The following SEPTIN11 variants were observed in gnomAD, a reference collection of about 807,000 sequenced individuals.
SEPTIN11 encodes septin 11, also known as septin-11.
In SEPTIN11, 25 loss-of-function variants were observed where a neutral mutation model predicts 51.4. That is an observed-to-expected ratio of 0.49 (90% CI 0.35 to 0.68). The LOEUF is 0.68. SEPTIN11 is among the 30% of genes least tolerant of loss of function. The pLI is 0.00. For synonymous variants in SEPTIN11, 174 were observed against 184.1 expected (o/e 0.95, Z 0.44); for missense variants, 381 against 520.8 (o/e 0.73, Z 2.61).
intron 1 of SEPTIN11, among the ~76,000 whole-genome samples, chr4:76,964,726 G>A (rs576940198): frequency 2.0e-5 from 3 of 152,260 alleles, no homozygotes; most frequent in South Asian, 2.1e-4. Flanking sequence ...GCCAGGCCTC[G>A]CTTACCTGTG....
At chr4:76,978,423 C>T (rs1722604669) in intron 1 of SEPTIN11, among the ~76,000 whole-genome samples, 2 of 152,254 alleles carry the variant, frequency 1.3e-5, no homozygotes, top group South Asian at 4.1e-4. Context: ...CACGCATGTC[C>T]CTTGATGGCC....
intron 1 of SEPTIN11, chr4:76,995,847 G>A: frequency 2.0e-6 from 3 of 1,535,544 alleles, no homozygotes; most frequent in Non-Finnish European, 2.6e-6. Flanking sequence ...ACAGGGTGAA[G>A]AGGGGGAAGA....
At chr4:76,971,840 G>A (rs1337371657) in intron 1 of SEPTIN11, among the ~76,000 whole-genome samples, 2 of 152,220 alleles carry the variant, frequency 1.3e-5, no homozygotes, top group African/African-American at 4.8e-5. Flanking sequence ...AAAGAACGTG[G>A]TGAAGGTCTA....
chr4:77,031,117 T>A, intron 9 of SEPTIN11, 147 bp downstream of exon 9: 1 of 721,776 alleles, frequency 1.4e-6, no homozygotes, highest in East Asian at 3.1e-5. Flanking sequence ...GGGAAGATGA[T>A]GAAGGTTTTT....
intron 1 of SEPTIN11, among the ~76,000 whole-genome samples, chr4:76,986,873 G>T (rs2645666): frequency 1.1e-3 from 169 of 150,654 alleles, no homozygotes; most frequent in African/African-American, 4.0e-3. Flanking sequence ...TTTTTCTTTT[G>T]TAATAATTCA....
chr4:77,036,727 T>C lies in SEPTIN11; in HGVS notation c.*2215T>C, dbSNP rs1400718595. 5.9e-6 allele frequency: 9 copies of C among 1,535,600 alleles called. No homozygotes were observed. In the African/African-American group the frequency reaches 9.6e-5, roughly 16 times the overall value. On this transcript the variant is annotated 3_prime_UTR_variant, in exon 10 of 10. Transcript: ENST00000264893. ...CTAGCCCTGTTTAGTTTGTTATTGC[T>C]GCTTTTCTTTTTTCTTTCTGTATCT...
At chr4:76,955,758 C>CT (rs1301823400) in intron 1 of SEPTIN11, among the ~76,000 whole-genome samples, 6 of 152,140 alleles carry the variant, frequency 3.9e-5, no homozygotes, top group African/African-American at 1.4e-4. Flanking sequence ...GAAATGAAGA[C>CT]TGACAGAGGA....
chr4:77,023,292 ACACACACAC>A (rs1338341763), intron 7 of SEPTIN11, among the ~76,000 whole-genome samples: 5 of 147,902 alleles, frequency 3.4e-5, no homozygotes, highest in South Asian at 4.2e-4. Context: ...ACACACACAC[ACACACACAC>A]AATATATATA....
chr4:76,979,713 G>A (rs1233279089), intron 1 of SEPTIN11, among the ~76,000 whole-genome samples: 6 of 151,856 alleles, frequency 4.0e-5, no homozygotes, highest in East Asian at 1.9e-4. Context: ...ATGAAACCCC[G>A]TCTCTACTAA....
At chr4:77,033,620 G>T (rs774585986) in intron 9 of SEPTIN11, among the ~76,000 whole-genome samples, 1 of 152,164 alleles carries the variant, frequency 6.6e-6, no homozygotes, top group African/African-American at 2.4e-5. Context: ...CCTTGTTTGC[G>T]GCTATACCAC....
chr4:76,951,183 G>C (rs1294116859), intron 1 of SEPTIN11, among the ~76,000 whole-genome samples: 1 of 152,062 alleles, frequency 6.6e-6, no homozygotes, highest in Non-Finnish European at 1.5e-5. Context: ...AGATACGCGC[G>C]CCTTTTGCAC....
chr4:76,986,198 T>C (rs577380481), intron 1 of SEPTIN11, among the ~76,000 whole-genome samples: 1 of 152,238 alleles, frequency 6.6e-6, no homozygotes, highest in East Asian at 1.9e-4. Context: ...TTTTATCAGA[T>C]GCATGCTAAT....
At chr4:76,969,778 G>T (rs1043911347) in intron 1 of SEPTIN11, among the ~76,000 whole-genome samples, 2 of 152,056 alleles carry the variant, frequency 1.3e-5, no homozygotes, top group Non-Finnish European at 2.9e-5. Flanking sequence ...AAACCAGAGG[G>T]TTAGTTAAAA....
chr4:76,982,628 T>C (rs2109917121), intron 1 of SEPTIN11, among the ~76,000 whole-genome samples: 1 of 152,354 alleles, frequency 6.6e-6, no homozygotes, highest in Middle Eastern at 3.4e-3. Context: ...CTTTGTAGTA[T>C]ATTTCATCAT....
At chr4:76,977,261 A>G (rs1722544363) in intron 1 of SEPTIN11, among the ~76,000 whole-genome samples, 1 of 152,236 alleles carries the variant, frequency 6.6e-6, no homozygotes, top group Admixed American at 6.5e-5. Flanking sequence ...CAAGGGCCTG[A>G]GTAAACTATT....
At chr4:77,011,006 G>A (rs1724825765) in intron 3 of SEPTIN11, among the ~76,000 whole-genome samples, 1 of 152,196 alleles carries the variant, frequency 6.6e-6, no homozygotes, top group African/African-American at 2.4e-5. Context: ...AGATTTGAAT[G>A]ATTTGGTGAG....
intron 7 of SEPTIN11, among the ~76,000 whole-genome samples, chr4:77,023,972 C>G (rs74778565): frequency 0.029 from 4,459 of 152,260 alleles, 228 homozygotes; most frequent in African/African-American, 0.1. Flanking sequence ...CACAGGATTT[C>G]TGCATGGGTG....
intron 1 of SEPTIN11, among the ~76,000 whole-genome samples, chr4:76,989,218 G>C (rs879471283): frequency 2.6e-5 from 4 of 152,082 alleles, no homozygotes; most frequent in Admixed American, 6.6e-5. Context: ...TGAGAAAAAT[G>C]TAATCACCAT....
chr4:76,967,288 A>G (rs1284839609), intron 1 of SEPTIN11, among the ~76,000 whole-genome samples: 3 of 152,226 alleles, frequency 2.0e-5, no homozygotes, highest in African/African-American at 7.2e-5. Context: ...TTAATGGCCA[A>G]TGGTTTATAC....
Sources: allele counts gnomAD v4.1 joint callset (sites outside exome capture counted in the v4.1 genomes callset), GRCh38; gene constraint gnomAD v4.1.1; transcripts MANE v1.5; gene names NCBI Gene and HGNC (gene_info 2026-07-23, HGNC 2026-07-21).